CFAP92: variants seen among roughly 807,000 people sequenced by gnomAD.
The protein encoded by CFAP92 is cilia and flagella associated protein 92 (putative), also known as uncharacterized protein CFAP92.
In CFAP92, 86 loss-of-function variants were observed where a neutral mutation model predicts 106.3. The ratio of observed to expected loss-of-function variants is 0.81; its 90% confidence interval spans 0.68 to 0.97. CFAP92 has a LOEUF of 0.97. Ranked by LOEUF, CFAP92 falls within the 50% of genes least tolerant of loss-of-function variation. The pLI is 0.00. For synonymous variants in CFAP92, 477 were observed against 506.4 expected (o/e 0.94, Z 0.78); for missense variants, 1,204 against 1,283.8 (o/e 0.94, Z 0.95).
chr3:128,923,606 A>C (rs1168128567), intron 12 of CFAP92, among the ~76,000 whole-genome samples: 1 of 152,258 alleles, frequency 6.6e-6, no homozygotes, highest in Non-Finnish European at 1.5e-5. Flanking sequence ...TGTAAGAAGC[A>C]TTCAAACCAG....
intron 2 of CFAP92, among the ~76,000 whole-genome samples, chr3:128,989,143 T>A (rs1047746754): frequency 1.3e-5 from 2 of 152,020 alleles, no homozygotes; most frequent in Non-Finnish European, 2.9e-5. Flanking sequence ...AGAGTGAGTG[T>A]CTCAGTTGGA....
intron 12 of CFAP92, among the ~76,000 whole-genome samples, chr3:128,924,126 G>A (rs1280550518): frequency 1.3e-5 from 2 of 152,182 alleles, no homozygotes; most frequent in Non-Finnish European, 2.9e-5. Context: ...GGCATGTTGG[G>A]GAAAAGCTGA....
At chr3:129,001,804 T>G in intron 1 of CFAP92, 1 of 1,545,430 alleles carries the variant, frequency 6.5e-7, no homozygotes, top group African/African-American at 1.4e-5. Context: ...GACCAGTACC[T>G]GCAGGAGGTC....
intron 9 of CFAP92, among the ~76,000 whole-genome samples, chr3:128,950,946 C>T (rs1466039370): frequency 6.6e-6 from 1 of 152,194 alleles, no homozygotes; most frequent in Admixed American, 6.5e-5. Context: ...ATGCAAGTTC[C>T]CATATACCAG....
intron 4 of CFAP92, among the ~76,000 whole-genome samples, chr3:128,985,341 G>A (rs1038549501): frequency 1.3e-4 from 20 of 152,122 alleles, no homozygotes; most frequent in African/African-American, 3.9e-4. Context: ...GCACATACCC[G>A]TGGTCCCAGC....
chr3:128,924,432 CTTTTTTTTTTTT>C (rs71153151), intron 12 of CFAP92, among the ~76,000 whole-genome samples: 49 of 69,826 alleles, frequency 7.0e-4, no homozygotes, highest in South Asian at 1.9e-3. Flanking sequence ...ACGATTGTAT[CTTTTTTTTTTTT>C]TTTTTTTTTT....
In CFAP92 at chr3:128,947,350, C is replaced by T. The variant is rs141166525; in HGVS notation, c.1354-1375G>A. On this transcript the variant is annotated intron_variant, in intron 9 of 15. Coordinates refer to ENST00000645291, the MANE Select transcript of CFAP92 (RefSeq NM_001394090.1). ...AGTTTATAGGTTTACAAATGTAATGCAATTCCAATCAAAATCCCAGCACAA... is the reference window on the plus strand; with the variant it reads ...AGTTTATAGGTTTACAAATGTAATGTAATTCCAATCAAAATCCCAGCACAA... Among the ~76,000 whole-genome samples the T allele has an allele frequency of 2.1e-3, 322 of 152,234 alleles. 1 individual carries two copies. Among genetic ancestry groups the T allele is most frequent in the African/African-American group, 7.3e-3 (305 of 41,520 alleles).
chr3:128,942,829 C>T (rs1246876219), intron 10 of CFAP92, among the ~76,000 whole-genome samples: 3 of 151,326 alleles, frequency 2.0e-5, no homozygotes, highest in Admixed American at 1.3e-4. Context: ...TTACAGGTGC[C>T]TGCCACCACG....
At chr3:128,921,103 CT>C (rs991517792) in intron 12 of CFAP92, among the ~76,000 whole-genome samples, 7 of 152,182 alleles carry the variant, frequency 4.6e-5, no homozygotes, top group African/African-American at 1.2e-4. Flanking sequence ...TGTTGGCCCC[CT>C]GGTCCCACTT....
At chr3:128,963,509 A>AT (rs1336477554) in intron 9 of CFAP92, among the ~76,000 whole-genome samples, 1 of 152,114 alleles carries the variant, frequency 6.6e-6, no homozygotes, top group East Asian at 1.9e-4. Context: ...AAGTCTCACA[A>AT]TTACCATCGT....
intron 10 of CFAP92, among the ~76,000 whole-genome samples, chr3:128,935,888 A>T (rs976761269): frequency 6.6e-6 from 1 of 152,258 alleles, no homozygotes; most frequent in African/African-American, 2.4e-5. Flanking sequence ...TTAGAAGTAT[A>T]AAAAATTAAC....
At chr3:129,003,706 A>G, upstream of CFAP92, 1 of 1,197,988 alleles carries the variant, frequency 8.3e-7, no homozygotes, top group Admixed American at 4.5e-5. Flanking sequence ...CTGGGTGCAG[A>G]GGCATGGGGC....
upstream of CFAP92, among the ~76,000 whole-genome samples, chr3:129,006,380 G>A (rs1054932174): frequency 6.6e-6 from 1 of 152,222 alleles, no homozygotes; most frequent in African/African-American, 2.4e-5. Context: ...GCAATGGTGC[G>A]ATCTTGGCTC....
intron 6 of CFAP92, among the ~76,000 whole-genome samples, chr3:128,976,532 G>A (rs1022957896): frequency 1.6e-4 from 25 of 151,952 alleles, no homozygotes; most frequent in African/African-American, 5.8e-4. Flanking sequence ...TCTCTCCCTT[G>A]TCCCCATAGC....
At chr3:128,950,691 T>C (rs9864697) in intron 9 of CFAP92, among the ~76,000 whole-genome samples, 25,113 of 151,964 alleles carry the variant, frequency 0.17, 5,801 homozygotes, top group African/African-American at 0.52. Flanking sequence ...ACACAGGGGG[T>C]GCTCAACTCC....
At position 128,945,461 on chromosome 3, in the gene CFAP92, C is replaced by A. The variant is rs906422661; in HGVS notation, c.1868G>T (p.Gly623Val). Residue 623 changes from glycine to valine, a missense_variant, in exon 10 of 16, where the codon GGC becomes GTC. By Grantham distance (109) the Gly-to-Val change is moderately radical (BLOSUM62 -3). Transcript: ENST00000645291. ...CTGGGAGTCAGCCTCTAGGTAGTTG[C>A]CCCTGGGCATTGGGCCGTGCTGGTG... ...DGHQHGPMPR[G>V]NYLEADSQLK... 6.5e-7 allele frequency: 1 copy of A among 1,536,150 alleles called. No homozygotes were observed. Among genetic ancestry groups the A allele is most frequent in the Non-Finnish European group, 8.7e-7 (1 of 1,146,920 alleles).
intron 2 of CFAP92, among the ~76,000 whole-genome samples, chr3:128,989,321 A>T (rs1576643381): frequency 7.4e-6 from 1 of 134,578 alleles, no homozygotes; most frequent in Non-Finnish European, 1.6e-5. Flanking sequence ...TCACAGTACA[A>T]TGTGATTTGT....
At chr3:128,971,823 A>G (rs1490008285) in intron 7 of CFAP92, among the ~76,000 whole-genome samples, 2 of 152,178 alleles carry the variant, frequency 1.3e-5, no homozygotes, top group African/African-American at 4.8e-5. Context: ...ACAAAAGCCC[A>G]CAGTCTGAGC....
At chr3:128,971,724 T>A (rs1942811453) in intron 7 of CFAP92, among the ~76,000 whole-genome samples, 1 of 152,174 alleles carries the variant, frequency 6.6e-6, no homozygotes, top group Non-Finnish European at 1.5e-5. Context: ...AATGATGCCA[T>A]AACACACTCA....
Sources: allele counts gnomAD v4.1 joint callset (sites outside exome capture counted in the v4.1 genomes callset), GRCh38; gene constraint gnomAD v4.1.1; transcripts MANE v1.5; gene names NCBI Gene and HGNC (gene_info 2026-07-23, HGNC 2026-07-21).